ANKRD45: variants seen among roughly 807,000 people sequenced by gnomAD.
The protein encoded by ANKRD45 is ankyrin repeat domain-containing protein 45.
In ANKRD45, 21 loss-of-function variants were observed where a neutral mutation model predicts 28.1. The observed-to-expected ratio is 0.75, with a 90% CI of 0.53 to 1.08. The LOEUF (loss-of-function observed/expected upper bound fraction) is 1.08. ANKRD45 is among the 50% of genes least tolerant of loss of function. The pLI is 0.00. For synonymous variants in ANKRD45, 86 were observed against 103.9 expected (o/e 0.83, Z 1.05); for missense variants, 261 against 308.7 (o/e 0.85, Z 1.16).
intron 1 of ANKRD45, among the ~76,000 whole-genome samples, chr1:173,660,029 C>T (rs1362301713): frequency 1.3e-5 from 2 of 152,046 alleles, no homozygotes; most frequent in Admixed American, 6.6e-5. Context: ...GGGAGAAATG[C>T]TATGGGAGTT....
upstream of ANKRD45, among the ~76,000 whole-genome samples, chr1:173,673,134 G>A (rs1463984454): frequency 7.0e-6 from 1 of 142,004 alleles, no homozygotes; most frequent in Non-Finnish European, 1.5e-5. Flanking sequence ...TTTTTGAGAT[G>A]GAGTCTTCTT....
the ANKRD45 span, among the ~76,000 whole-genome samples, chr1:173,694,854 T>C: frequency 1.3e-5 from 2 of 152,184 alleles, no homozygotes; most frequent in Non-Finnish European, 2.9e-5. Context: ...GAGGGAGTTC[T>C]AGATGTCCAA....
intron 3 of ANKRD45, chr1:173,636,766 CTATAG>C: frequency 1.7e-6 from 2 of 1,146,886 alleles, no homozygotes; most frequent in Non-Finnish European, 1.2e-6. Flanking sequence ...ATTAACTATA[CTATAG>C]TATTGAACTC....
intron 2 of ANKRD45, among the ~76,000 whole-genome samples, chr1:173,652,166 C>A (rs1337646682): frequency 1.3e-5 from 2 of 152,080 alleles, no homozygotes; most frequent in Non-Finnish European, 1.5e-5. Context: ...GCATCCCTGT[C>A]TTGTGCCAGT....
chr1:173,618,327 G>A (rs970344611), intron 5 of ANKRD45, among the ~76,000 whole-genome samples: 1 of 152,184 alleles, frequency 6.6e-6, no homozygotes, highest in Non-Finnish European at 1.5e-5. Context: ...TAGAAGGTGG[G>A]TAATAATGAA....
At chr1:173,657,174 T>G (rs769710745) in intron 2 of ANKRD45, among the ~76,000 whole-genome samples, 20 of 151,598 alleles carry the variant, frequency 1.3e-4, no homozygotes, top group Non-Finnish European at 2.7e-4. Context: ...TGATTAATAG[T>G]ATTAAAGCTC....
the ANKRD45 span, among the ~76,000 whole-genome samples, chr1:173,697,403 G>T: frequency 5.9e-5 from 9 of 152,254 alleles, no homozygotes; most frequent in East Asian, 1.9e-4. Flanking sequence ...AAATGTTAAG[G>T]GCAGCCAGAG....
the ANKRD45 span, among the ~76,000 whole-genome samples, chr1:173,700,933 G>A: frequency 6.6e-6 from 1 of 152,028 alleles, no homozygotes; most frequent in African/African-American, 2.4e-5. Context: ...TCTGACAAAG[G>A]GCTAATATCC....
chr1:173,676,184 A>T, the ANKRD45 span, among the ~76,000 whole-genome samples: 1 of 152,248 alleles, frequency 6.6e-6, no homozygotes, highest in African/African-American at 2.4e-5. Context: ...TTGGTAAAAT[A>T]ACCAGTTTCT....
upstream of ANKRD45, among the ~76,000 whole-genome samples, chr1:173,671,660 G>A (rs1670263825): frequency 1.3e-5 from 2 of 151,486 alleles, no homozygotes; most frequent in African/African-American, 4.9e-5. Context: ...CATGAAGTCA[G>A]GAGACCAAGA....
intron 3 of ANKRD45, among the ~76,000 whole-genome samples, chr1:173,637,420 C>T (rs1257881055): frequency 1.3e-5 from 2 of 152,240 alleles, no homozygotes; most frequent in Non-Finnish European, 1.5e-5. Flanking sequence ...TTAGCTCCCA[C>T]ATTTTAGCAT....
chr1:173,658,865 G>T, intron 2 of ANKRD45: 2 of 566,840 alleles, frequency 3.5e-6, no homozygotes, highest in Non-Finnish European at 5.1e-6. Flanking sequence ...AACTTGCCAA[G>T]TCACACAGCT....
intron 3 of ANKRD45, chr1:173,635,290 C>G: frequency 4.5e-6 from 2 of 443,118 alleles, no homozygotes; most frequent in Non-Finnish European, 8.0e-6. Flanking sequence ...CCCTGAGTCA[C>G]TATGACTGAT....
At chr1:173,671,307 T>C (rs1048340176), upstream of ANKRD45, among the ~76,000 whole-genome samples, 5 of 152,060 alleles carry the variant, frequency 3.3e-5, no homozygotes, top group Admixed American at 2.6e-4. Flanking sequence ...TTCTGAAAAA[T>C]GGACCACTTA....
At chr1:173,695,687 A>G in the ANKRD45 span, among the ~76,000 whole-genome samples, 1 of 152,152 alleles carries the variant, frequency 6.6e-6, no homozygotes, top group Non-Finnish European at 1.5e-5. Context: ...TCTTTTTGGC[A>G]GAATGTTTTA....
chr1:173,688,397 TCTCTCTGCCTCTTC>T, the ANKRD45 span, among the ~76,000 whole-genome samples: 47 of 139,120 alleles, frequency 3.4e-4, no homozygotes, highest in African/African-American at 1.3e-3. Flanking sequence ...TGCCTCTTCC[TCTCTCTGCCTCTTC>T]CTCTCTCTCT....
intron 5 of ANKRD45, among the ~76,000 whole-genome samples, chr1:173,618,271 A>C (rs978775522): frequency 1.3e-5 from 2 of 152,226 alleles, no homozygotes; most frequent in Admixed American, 6.5e-5. Context: ...CCTCTCCAGC[A>C]AGGGCACAGA....
the ANKRD45 span, among the ~76,000 whole-genome samples, chr1:173,699,129 T>G: frequency 1.3e-4 from 20 of 152,246 alleles, no homozygotes; most frequent in African/African-American, 4.8e-4. Flanking sequence ...CAGGAGGAAG[T>G]TGAATCACTG....
the ANKRD45 span, among the ~76,000 whole-genome samples, chr1:173,700,678 G>A: frequency 2.2e-4 from 34 of 152,218 alleles, no homozygotes; most frequent in Admixed American, 2.2e-3. Flanking sequence ...AATTCAAGAT[G>A]GATTTAAGAC....
Sources: gnomAD v4.1 joint callset for allele counts (sites outside exome capture counted in the v4.1 genomes callset) on GRCh38, gnomAD v4.1.1 for gene constraint, MANE v1.5 for transcripts, NCBI Gene and HGNC (gene_info 2026-07-23, HGNC 2026-07-21) for gene names.